TULP4: variants seen among roughly 807,000 people sequenced by gnomAD.
The protein encoded by TULP4 is tubby-related protein 4.
In TULP4, 16 loss-of-function variants were observed where a neutral mutation model predicts 129.0. That is an observed-to-expected ratio of 0.12 (90% CI 0.08 to 0.19). The LOEUF is 0.19. TULP4 is among the 10% of genes least tolerant of loss of function. The probability of loss-of-function intolerance (pLI) is 1.00; values close to 1 mark genes in which losing one functional copy is unlikely to be tolerated. For synonymous variants in TULP4, 998 were observed against 854.0 expected (o/e 1.17, Z -2.94); for missense variants, 1,842 against 2,059.1 (o/e 0.89, Z 2.04).
chr6:158,320,814 G>A (rs1328461154), intron 1 of TULP4, among the ~76,000 whole-genome samples: 2 of 152,172 alleles, frequency 1.3e-5, no homozygotes, highest in African/African-American at 2.4e-5. Context: ...CACGACTACT[G>A]TAGCAATGGT....
rs745524807 is a variant in TULP4 at position 158,301,963 on chromosome 6, A to G, written n.117-10088A>G. Among the ~76,000 whole-genome samples the G allele has an allele frequency of 2.6e-5, 4 of 152,242 alleles. No individual in the cohort carries two copies. The South Asian group carries it at 6.2e-4, about 24-fold the overall frequency. On this transcript the variant is annotated intron_variant and non_coding_transcript_variant, in intron 1 of 1. Coordinates refer to the TULP4 transcript ENST00000432358. ...CCTAATCTGAACCTTTTGAGGTTGA[A>G]TATATTCTTTATTGAACACCATTCC...
intron 1 of TULP4, among the ~76,000 whole-genome samples, chr6:158,368,066 C>CAAAAAAAAAAAAAAAAAGAA (rs1776973899): frequency 1.5e-5 from 1 of 65,010 alleles, no homozygotes; most frequent in Non-Finnish European, 2.9e-5. Context: ...ACCCTGTCTC[C>CAAAAAAAAAAAAAAAAAGAA]AAAAAAAAAA....
Position 158,501,875 on chromosome 6 carries a change from G to A in TULP4, c.2212G>A (p.Gly738Ser), listed in dbSNP as rs779453019. The A allele has an allele frequency of 2.5e-6, 4 of 1,614,030 alleles. No individual in the cohort carries two copies. The Admixed American group carries it at 5.0e-5, about 20-fold the overall frequency. The change falls in exon 13 of 14, where the codon GGT becomes AGT. Residue 738 changes from glycine to serine, a missense_variant. Physicochemically the swap from Gly to Ser is moderately conservative, Grantham distance 56 (BLOSUM62 0). Coordinates refer to ENST00000367097, the MANE Select transcript of TULP4 (RefSeq NM_020245.5). ...TTAVGTAEHA[G>S]DSATQYPVSN... ...AGCTGTAGGGACAGCAGAACATGCAGGTGACAGTGCCACCCAGTACCCAGT... is the reference window on the plus strand; with the variant it reads ...AGCTGTAGGGACAGCAGAACATGCAAGTGACAGTGCCACCCAGTACCCAGT...
intron 3 of TULP4, among the ~76,000 whole-genome samples, chr6:158,443,958 G>A (rs1056838128): frequency 1.6e-4 from 25 of 152,154 alleles, no homozygotes; most frequent in East Asian, 5.8e-4. Context: ...GGTGGCTCAC[G>A]CCTGTAATCC....
chr6:158,357,577 C>T (rs926677450), intron 1 of TULP4, among the ~76,000 whole-genome samples: 1 of 152,216 alleles, frequency 6.6e-6, no homozygotes, highest in African/African-American at 2.4e-5. Context: ...GTGCTTTCTG[C>T]TGTTGTTTTT....
intron 1 of TULP4, among the ~76,000 whole-genome samples, chr6:158,386,000 AC>A (rs1367520977): frequency 6.6e-6 from 1 of 151,654 alleles, no homozygotes; most frequent in Admixed American, 6.6e-5. Flanking sequence ...GTGCACCACC[AC>A]ACCCAGATAA....
At chr6:158,333,586 C>G (rs1446883711) in intron 1 of TULP4, among the ~76,000 whole-genome samples, 2 of 152,152 alleles carry the variant, frequency 1.3e-5, no homozygotes, top group African/African-American at 4.8e-5. Flanking sequence ...CCTTCCCAAA[C>G]TAGCTATGTA....
At chr6:158,400,195 A>AG (rs1754453581) in intron 1 of TULP4, among the ~76,000 whole-genome samples, 1 of 152,254 alleles carries the variant, frequency 6.6e-6, no homozygotes, top group African/African-American at 2.4e-5. Flanking sequence ...AATTTACTGA[A>AG]GTGCATTATT....
chr6:158,333,762 G>A (rs775240494), intron 1 of TULP4, among the ~76,000 whole-genome samples: 1 of 152,100 alleles, frequency 6.6e-6, no homozygotes, highest in Non-Finnish European at 1.5e-5. Context: ...ATAAATGCAG[G>A]TACTGTTCTA....
intron 2 of TULP4, among the ~76,000 whole-genome samples, chr6:158,415,246 G>A (rs1407143111): frequency 1.3e-5 from 2 of 151,922 alleles, no homozygotes; most frequent in African/African-American, 2.4e-5. Flanking sequence ...CTGTATAAAA[G>A]TATAGCACAT....
intron 1 of TULP4, among the ~76,000 whole-genome samples, chr6:158,273,661 C>T (rs555011959): frequency 1.3e-5 from 2 of 152,330 alleles, no homozygotes; most frequent in East Asian, 3.9e-4. Context: ...TTATTCATAA[C>T]TGTAATAGCT....
At position 158,328,111 on chromosome 6, in the gene TULP4, TGTGTGTGTGTGTGTGTGCGTGC is replaced by T. The variant is rs1229122579; in HGVS notation, c.252+13847_252+13868del. Among the ~76,000 whole-genome samples the T allele has an allele frequency of 7.2e-3, 546 of 75,448 alleles. 6 individuals are homozygous for T. Among genetic ancestry groups the T allele is most frequent in the Middle Eastern group, 0.015 (2 of 136 alleles). 49.5% of individuals were successfully genotyped at this position (75,448 alleles called of 152,430 possible). A position where few individuals can be genotyped will look rare whatever the true frequency, so the allele number is the denominator to read the frequency against. On this transcript the variant is annotated intron_variant, in intron 1 of 13. Coordinates refer to ENST00000367097, the MANE Select transcript of TULP4 (RefSeq NM_020245.5). ...GTGTGTGTGTGTGTGTGTGTGTGTG[TGTGTGTGTGTGTGTGTGCGTGC>T]GTGCTGGGAAAGAGGTAGACCTAGT...
chr6:158,481,573 G>T (rs113527277), intron 8 of TULP4: 1 of 492,452 alleles, frequency 2.0e-6, no homozygotes, highest in Non-Finnish European at 3.7e-6. Flanking sequence ...TCCTGGGAGT[G>T]AGGGTTTCCT....
intron 1 of TULP4, among the ~76,000 whole-genome samples, chr6:158,269,855 G>T (rs1239624634): frequency 3.3e-5 from 5 of 152,232 alleles, no homozygotes; most frequent in African/African-American, 1.2e-4. Flanking sequence ...TGGTGGGAGA[G>T]CCAGGCCCGG....
intron 1 of TULP4, among the ~76,000 whole-genome samples, chr6:158,388,801 A>G (rs1777517401): frequency 6.6e-6 from 1 of 152,220 alleles, no homozygotes; most frequent in Admixed American, 6.5e-5. Flanking sequence ...ATTATGGCCA[A>G]TTAGTGGCAT....
intron 8 of TULP4, among the ~76,000 whole-genome samples, chr6:158,484,803 C>T (rs562375206): frequency 1.3e-5 from 2 of 152,270 alleles, no homozygotes; most frequent in South Asian, 4.1e-4. Context: ...AGTTATTTAG[C>T]GCGTGCGCCT....
At chr6:158,479,655 CTTATT>C (rs1779894556) in intron 6 of TULP4, 91 bp from the exon 7 acceptor site, 10 of 1,143,904 alleles carry the variant, frequency 8.7e-6, no homozygotes, top group Admixed American at 4.5e-5. Flanking sequence ...CTCAAAACAG[CTTATT>C]TTATTTTGCT....
At chr6:158,241,838 C>G (rs1027585806) in intron 1 of TULP4, 7 of 608,808 alleles carry the variant, frequency 1.1e-5, no homozygotes, top group Admixed American at 2.4e-5. Flanking sequence ...TGTGATCTGC[C>G]TGCCTCCGCC....
At chr6:158,239,992 G>A (rs1777834709) in intron 1 of TULP4, among the ~76,000 whole-genome samples, 1 of 113,208 alleles carries the variant, frequency 8.8e-6, no homozygotes, top group Admixed American at 8.6e-5. Flanking sequence ...TGGGCGGGGG[G>A]CTGACCCCCC....
Sources: gnomAD v4.1 joint callset for allele counts (sites outside exome capture counted in the v4.1 genomes callset) on GRCh38, gnomAD v4.1.1 for gene constraint, MANE v1.5 for transcripts, NCBI Gene and HGNC (gene_info 2026-07-23, HGNC 2026-07-21) for gene names.